GAB3: variants seen among roughly 807,000 people sequenced by gnomAD.
The protein encoded by GAB3 is GRB2 associated binding protein 3.
A neutral mutation model predicts 40.4 loss-of-function variants in GAB3; 12 were observed. That is an observed-to-expected ratio of 0.30 (90% CI 0.19 to 0.48). GAB3 has a LOEUF of 0.48. GAB3 is among the 20% of genes least tolerant of loss of function. GAB3 has a pLI of 0.99. For missense variants in GAB3, 381 were observed against 461.9 expected (o/e 0.82, Z 1.61); for synonymous variants, 154 against 176.7 (o/e 0.87, Z 1.02).
intron 4 of GAB3, among the ~76,000 whole-genome samples, chrX:154,709,854 A>C (rs1312534909): frequency 3.6e-5 from 4 of 112,009 alleles, no homozygotes; most frequent in East Asian, 5.6e-4. Flanking sequence ...AGAAAAAAAA[A>C]TACTGCACGA....
At chrX:154,705,883 T>C (rs2148442503) in intron 4 of GAB3, among the ~76,000 whole-genome samples, 1 of 112,243 alleles carries the variant, frequency 8.9e-6, no homozygotes, top group African/African-American at 3.2e-5. Context: ...TAAATGAATT[T>C]AGTAAGTTTG....
Position 154,751,027 on chromosome X carries a change from G to C in GAB3, c.-2C>G, listed in dbSNP as rs1557262608. On this transcript the variant is annotated 5_prime_UTR_variant, in exon 1 of 10. Transcript: ENST00000424127. ...GCACACTGCGTCGCCCGCACTCATC[G>C]TGGCCGCCGCCGCCGCTTCCTCCAG... 1 of 806,230 alleles carries C rather than the reference G, an allele frequency of 1.2e-6. No individual in the cohort carries two copies. Among genetic ancestry groups the C allele is most frequent in the Non-Finnish European group, 1.5e-6 (1 of 668,897 alleles). The allele number at this position is 806,230 out of a possible 1,213,427, so 66.4% of individuals were successfully genotyped here. A position where few individuals can be genotyped will look rare whatever the true frequency, so the allele number is the denominator to read the frequency against.
intron 1 of GAB3, among the ~76,000 whole-genome samples, chrX:154,736,367 G>A (rs2071365186): frequency 8.9e-6 from 1 of 112,073 alleles, no homozygotes; most frequent in Non-Finnish European, 1.9e-5. Context: ...AGCATCAGTG[G>A]CTGCTACAAT....
At chrX:154,738,064 G>A (rs1179764621) in intron 1 of GAB3, among the ~76,000 whole-genome samples, 1 of 112,788 alleles carries the variant, frequency 8.9e-6, no homozygotes, top group Non-Finnish European at 1.9e-5. Flanking sequence ...TGTAGGTCCT[G>A]TTCCTGGGCT....
intron 1 of GAB3, among the ~76,000 whole-genome samples, chrX:154,723,242 G>A (rs782020151): frequency 1.8e-5 from 2 of 112,024 alleles, no homozygotes; most frequent in South Asian, 3.7e-4. Context: ...GCACATTTGT[G>A]GATTCATTCA....
At chrX:154,739,612 GT>G (rs1168427968) in intron 1 of GAB3, among the ~76,000 whole-genome samples, 1 of 111,829 alleles carries the variant, frequency 8.9e-6, no homozygotes, top group Admixed American at 9.4e-5. Flanking sequence ...ATTTCCTTGT[GT>G]TCATATAAAG....
intron 4 of GAB3, among the ~76,000 whole-genome samples, chrX:154,702,038 G>T (rs1399933405): frequency 2.7e-5 from 3 of 111,949 alleles, no homozygotes; most frequent in Non-Finnish European, 5.6e-5. Flanking sequence ...AACCATGAAA[G>T]ACCCAGAATA....
intron 1 of GAB3, among the ~76,000 whole-genome samples, chrX:154,727,534 CTTG>C (rs1218565302): frequency 2.7e-5 from 3 of 112,606 alleles, no homozygotes; most frequent in Non-Finnish European, 5.6e-5. Context: ...TCAGTAAATA[CTTG>C]TTGAATGAAT....
intron 4 of GAB3, among the ~76,000 whole-genome samples, chrX:154,700,571 G>C (rs2070726798): frequency 8.9e-6 from 1 of 111,734 alleles, no homozygotes; most frequent in Non-Finnish European, 1.9e-5. Context: ...GAATAATTTA[G>C]ACCATAAGAG....
intron 2 of GAB3, 72 bp from the exon 3 acceptor site, chrX:154,713,498 T>A: frequency 1.2e-6 from 1 of 838,757 alleles, no homozygotes; most frequent in South Asian, 2.2e-5. Flanking sequence ...TCCAACAGCA[T>A]CAAAGAAGCC....
intron 8 of GAB3, 50 bp downstream of exon 8, chrX:154,695,867 A>G (rs1557250528): frequency 1.5e-5 from 11 of 754,984 alleles, no homozygotes; most frequent in African/African-American, 2.0e-5. Flanking sequence ...AGCTCATAAG[A>G]CTACAGATTG....
At chrX:154,683,718 T>TG (rs782410947) in intron 8 of GAB3, among the ~76,000 whole-genome samples, 2 of 111,710 alleles carry the variant, frequency 1.8e-5, no homozygotes, top group East Asian at 2.8e-4. Flanking sequence ...AATTTTTTTG[T>TG]GGGGGGGAGG....
intron 2 of GAB3, among the ~76,000 whole-genome samples, chrX:154,715,543 T>C (rs1208989782): frequency 9.0e-6 from 1 of 111,191 alleles, no homozygotes; most frequent in Non-Finnish European, 1.9e-5. Flanking sequence ...TGCAGAGAAC[T>C]TGAGACATTT....
At chrX:154,715,200 T>C (rs1453355471) in intron 2 of GAB3, among the ~76,000 whole-genome samples, 1 of 111,803 alleles carries the variant, frequency 8.9e-6, no homozygotes, top group Non-Finnish European at 1.9e-5. Context: ...TTGAAGCAAC[T>C]ATAGATTACA....
At chrX:154,703,559 C>T (rs1483626001) in intron 4 of GAB3, among the ~76,000 whole-genome samples, 1 of 111,646 alleles carries the variant, frequency 9.0e-6, no homozygotes, top group Non-Finnish European at 1.9e-5. Context: ...GGATACGAGG[C>T]TTAATACCTG....
chrX:154,691,133 T>C (rs1414781087), intron 8 of GAB3, among the ~76,000 whole-genome samples: 4 of 108,175 alleles, frequency 3.7e-5, no homozygotes, highest in African/African-American at 1.4e-4. Flanking sequence ...ATGGATGAAA[T>C]TGGAAATCAT....
chrX:154,716,197 TC>T lies in GAB3; in HGVS notation c.204del (p.Trp68Ter). On this transcript the variant is annotated frameshift_variant, in exon 2 of 10. Transcript: ENST00000424127. LOFTEE classifies it high-confidence loss of function. The part of the protein sequence containing the change: ...RVIDLSECAV[W>X]KHVGPSFVRK... Reference sequence around the variant, plus strand: ...CGAACAAAGCTGGGGCCCACATGCTTCCACACTGCACACTCGCTGAGGTCTA... The same window carrying T: ...CGAACAAAGCTGGGGCCCACATGCTTCACACTGCACACTCGCTGAGGTCTA... 1 of 1,212,477 alleles carries T rather than the reference TC, an allele frequency of 8.2e-7. No homozygotes were observed. The highest frequency in any genetic ancestry group is 1.1e-6 in the Non-Finnish European group (1 of 895,601).
chrX:154,708,939 C>G (rs919898005), intron 4 of GAB3, among the ~76,000 whole-genome samples: 24 of 111,853 alleles, frequency 2.1e-4, no homozygotes, highest in African/African-American at 7.2e-4. Flanking sequence ...TCACAATAGC[C>G]ACAACATGTG....
intron 1 of GAB3, among the ~76,000 whole-genome samples, chrX:154,728,479 C>T (rs1034358104): frequency 4.5e-5 from 5 of 111,792 alleles, no homozygotes; most frequent in Admixed American, 3.8e-4. Context: ...TTTCAGTGGC[C>T]TTATTGACCA....
Sources: allele counts gnomAD v4.1 joint callset (sites outside exome capture counted in the v4.1 genomes callset), GRCh38; gene constraint gnomAD v4.1.1; transcripts MANE v1.5; gene names NCBI Gene and HGNC (gene_info 2026-07-23, HGNC 2026-07-21).